Variants in PCDH9 observed in about 807,000 individuals in gnomAD.
PCDH9 encodes the protein protocadherin-9.
Under a neutral mutation model 70.6 loss-of-function variants are expected in PCDH9, and 24 were observed. That is an observed-to-expected ratio of 0.34 (90% CI 0.25 to 0.48). The LOEUF (loss-of-function observed/expected upper bound fraction) is 0.48, where lower values mean the gene tolerates loss of function less well. PCDH9 is among the 20% of genes least tolerant of loss of function. The pLI is 0.99. For synonymous variants in PCDH9, 562 were observed against 558.5 expected (o/e 1.01, Z -0.09); for missense variants, 1,281 against 1,503.6 (o/e 0.85, Z 2.45).
At chr13:66,945,825 C>G (rs1002240476) in intron 2 of PCDH9, among the ~76,000 whole-genome samples, 2 of 152,032 alleles carry the variant, frequency 1.3e-5, no homozygotes, top group Admixed American at 6.6e-5. Context: ...ATGTGTTTTA[C>G]AGTGTACATG....
intron 3 of PCDH9, among the ~76,000 whole-genome samples, chr13:66,886,463 A>C (rs1473838862): frequency 6.6e-6 from 1 of 152,098 alleles, no homozygotes; most frequent in East Asian, 1.9e-4. Context: ...ACTTGATTCT[A>C]AGTGGCTTTG....
chr13:66,989,115 T>A lies in PCDH9; in HGVS notation c.3037-85510A>T, dbSNP rs1594357019. On this transcript the variant is annotated intron_variant, in intron 2 of 4. Transcript: ENST00000377865. ...GATTTTGGGGGCAGGAATTAAAGAT[T>A]TACACTCCATTCCCAACCATGGTGA... Among the ~76,000 whole-genome samples, 6 of 152,008 alleles carry A rather than the reference T, an allele frequency of 3.9e-5. No homozygotes were observed. In the South Asian group the frequency reaches 1.2e-3, roughly 32 times the overall value.
chr13:66,484,317 C>T (rs546991695), intron 4 of PCDH9, among the ~76,000 whole-genome samples: 1 of 152,112 alleles, frequency 6.6e-6, no homozygotes, highest in East Asian at 1.9e-4. Flanking sequence ...AAACACTCAC[C>T]CCTAGATACA....
chr13:67,194,538 T>C (rs1051543860), intron 2 of PCDH9, among the ~76,000 whole-genome samples: 2 of 152,208 alleles, frequency 1.3e-5, no homozygotes, highest in African/African-American at 4.8e-5. Context: ...TTTAATTTGC[T>C]ACTAAAAACT....
At chr13:66,441,420 A>C (rs927054080) in intron 4 of PCDH9, among the ~76,000 whole-genome samples, 1 of 152,190 alleles carries the variant, frequency 6.6e-6, no homozygotes, top group African/African-American at 2.4e-5. Flanking sequence ...AAATATTAGA[A>C]AAACCACCTG....
At chr13:66,323,021 T>C (rs2138093903) in intron 4 of PCDH9, among the ~76,000 whole-genome samples, 1 of 152,134 alleles carries the variant, frequency 6.6e-6, no homozygotes, top group African/African-American at 2.4e-5. Flanking sequence ...ACAGAACTAT[T>C]AAAATAAGGA....
chr13:66,988,285 T>A (rs1445738079), intron 2 of PCDH9, among the ~76,000 whole-genome samples: 1 of 152,078 alleles, frequency 6.6e-6, no homozygotes, highest in East Asian at 1.9e-4. Context: ...TTAAACCTTG[T>A]ATTTTACAGG....
intron 4 of PCDH9, among the ~76,000 whole-genome samples, chr13:66,426,920 T>C (rs1389480703): frequency 6.6e-6 from 1 of 151,582 alleles, no homozygotes; most frequent in Non-Finnish European, 1.5e-5. Flanking sequence ...TAAGTATAAT[T>C]ACTGCCTAGT....
intron 3 of PCDH9, among the ~76,000 whole-genome samples, chr13:66,731,511 C>G (rs1189396884): frequency 6.6e-6 from 1 of 151,964 alleles, no homozygotes; most frequent in Non-Finnish European, 1.5e-5. Context: ...GTTTCCTATA[C>G]AATAAAATGA....
intron 4 of PCDH9, among the ~76,000 whole-genome samples, chr13:66,381,073 T>C (rs1358864251): frequency 2.6e-5 from 4 of 152,174 alleles, no homozygotes; most frequent in Admixed American, 6.5e-5. Flanking sequence ...ATAGTTTTCT[T>C]TGAAGAAGAG....
intron 4 of PCDH9, among the ~76,000 whole-genome samples, chr13:66,335,282 A>G (rs904717687): frequency 3.3e-5 from 5 of 152,060 alleles, no homozygotes; most frequent in African/African-American, 4.8e-5. Context: ...TTATTTTTTC[A>G]TTTGATTTTT....
chr13:66,662,191 G>A (rs574817112), intron 3 of PCDH9, among the ~76,000 whole-genome samples: 2 of 151,982 alleles, frequency 1.3e-5, no homozygotes, highest in South Asian at 4.2e-4. Flanking sequence ...TGTCACATAA[G>A]GCCGGGCGTG....
At chr13:67,148,283 A>G (rs1178127094) in intron 2 of PCDH9, among the ~76,000 whole-genome samples, 3 of 151,818 alleles carry the variant, frequency 2.0e-5, no homozygotes, top group African/African-American at 7.3e-5. Flanking sequence ...GAAATATACT[A>G]CTGAATAAGA....
At chr13:66,604,547 A>G (rs1245240514) in intron 4 of PCDH9, among the ~76,000 whole-genome samples, 1 of 152,004 alleles carries the variant, frequency 6.6e-6, no homozygotes, top group Non-Finnish European at 1.5e-5. Flanking sequence ...CAAAATTAGC[A>G]TATCTTTCCT....
chr13:66,553,552 A>T (rs1961591190), intron 4 of PCDH9, among the ~76,000 whole-genome samples: 1 of 152,136 alleles, frequency 6.6e-6, no homozygotes, highest in Admixed American at 6.5e-5. Flanking sequence ...GAAATTGGAG[A>T]GTTGGTTATG....
intron 3 of PCDH9, among the ~76,000 whole-genome samples, chr13:66,828,432 C>A (rs181528763): frequency 6.6e-6 from 1 of 152,164 alleles, no homozygotes; most frequent in Non-Finnish European, 1.5e-5. Flanking sequence ...TTTACCCCCA[C>A]TTATCCAGAG....
At chr13:66,902,828 C>T (rs918561239) in intron 3 of PCDH9, among the ~76,000 whole-genome samples, 1 of 151,202 alleles carries the variant, frequency 6.6e-6, no homozygotes, top group Non-Finnish European at 1.5e-5. Flanking sequence ...AAAAAAAATA[C>T]ATGAAAGATA....
At chr13:66,677,195 G>A (rs1015163673) in intron 3 of PCDH9, among the ~76,000 whole-genome samples, 3 of 151,812 alleles carry the variant, frequency 2.0e-5, no homozygotes, top group African/African-American at 7.3e-5. Flanking sequence ...TAAGATAATA[G>A]AATTTTTATA....
At chr13:66,752,399 C>T (rs994332071) in intron 3 of PCDH9, among the ~76,000 whole-genome samples, 2 of 152,106 alleles carry the variant, frequency 1.3e-5, no homozygotes, top group East Asian at 3.9e-4. Context: ...TGAGCTCAAG[C>T]AATCCTCCCA....
Sources: gnomAD v4.1 joint callset for allele counts (sites outside exome capture counted in the v4.1 genomes callset) on GRCh38, gnomAD v4.1.1 for gene constraint, MANE v1.5 for transcripts, NCBI Gene and HGNC (gene_info 2026-07-23, HGNC 2026-07-21) for gene names.